The following SREBF2 variants were observed in gnomAD, a reference collection of about 807,000 sequenced individuals.
SREBF2 encodes the protein sterol regulatory element-binding protein 2.
SREBF2 carries 55 observed loss-of-function variants against 113.1 expected under a neutral mutation model. That is an observed-to-expected ratio of 0.49 (90% CI 0.39 to 0.61). The LOEUF (loss-of-function observed/expected upper bound fraction) is 0.61, where lower values mean the gene tolerates loss of function less well. Ranked by LOEUF, SREBF2 falls within the 20% of genes least tolerant of loss-of-function variation. The pLI is 0.00. For synonymous variants in SREBF2, 593 were observed against 605.7 expected (o/e 0.98, Z 0.31); for missense variants, 1,349 against 1,487.4 (o/e 0.91, Z 1.53).
In SREBF2 at chr22:41,833,949, G is replaced by A. The variant is rs2076743534; in HGVS notation, c.88+591G>A. 1 of 152,700 alleles carries A rather than the reference G, an allele frequency of 6.5e-6. No individual in the cohort carries two copies. The highest frequency in any genetic ancestry group is 2.1e-4 in the South Asian group (1 of 4,838). The allele number at this position is 152,700 out of a possible 1,614,324, so 9.5% of individuals were successfully genotyped here. On this transcript the variant is annotated intron_variant, in intron 1 of 18. Coordinates refer to ENST00000361204, the MANE Select transcript of SREBF2 (RefSeq NM_004599.4). This position sits in a 1 kb window ranked among gnomAD's most constrained non-coding sequence, Gnocchi z 4.1. ...CGGCGGAGTGTGGACACATCTCTCC[G>A]GGATGGAGACCCGGGCGCTCCTGCT...
At chr22:41,900,702 G>A (rs1275695387) in intron 16 of SREBF2, among the ~76,000 whole-genome samples, 1 of 152,216 alleles carries the variant, frequency 6.6e-6, no homozygotes, top group Non-Finnish European at 1.5e-5. Flanking sequence ...AGGCAAGTGT[G>A]TTTCTACCTG....
chr22:41,875,562 C>T lies in SREBF2; in HGVS notation c.1224C>T (p.Asp408=), dbSNP rs1373970901. 3 of 1,614,080 alleles carry T rather than the reference C, an allele frequency of 1.9e-6. No individual in the cohort carries two copies. The African/African-American group carries it at 4.0e-5, about 22-fold the overall frequency. Residue 408 remains aspartate (D), a synonymous_variant, in exon 7 of 19, where the codon GAC becomes GAT. Transcript: ENST00000361204. The stretch of plus-strand genomic sequence containing the variant: ...TTGCAGAGCTTCTAAAGGGCATCGA[C>T]CTAGGCAGTCTGGTGGACAATGAGG... ...NQKNKLLKGI[D]LGSLVDNEVD...
intron 15 of SREBF2, chr22:41,899,051 A>C (rs1340239258): frequency 1.7e-6 from 1 of 596,726 alleles, no homozygotes; most frequent in Non-Finnish European, 2.7e-6. Context: ...TGCAGCCTTC[A>C]TGGCGCCACA....
At chr22:41,886,839 G>T (rs953103150) in intron 11 of SREBF2, among the ~76,000 whole-genome samples, 1 of 152,198 alleles carries the variant, frequency 6.6e-6, no homozygotes, top group Non-Finnish European at 1.5e-5. Flanking sequence ...TTCAAGACCA[G>T]CCTGACCAAT....
At chr22:41,878,808 G>A in intron 9 of SREBF2, 3 of 1,175,766 alleles carry the variant, frequency 2.6e-6, no homozygotes, top group Non-Finnish European at 3.4e-6. Context: ...AGGGCCATTA[G>A]TGAGAATCTG....
At chr22:41,890,274 G>A (rs2077346826) in intron 11 of SREBF2, among the ~76,000 whole-genome samples, 1 of 152,156 alleles carries the variant, frequency 6.6e-6, no homozygotes, top group Admixed American at 6.5e-5. Flanking sequence ...TACTATGACA[G>A]ATATCACATC....
chr22:41,901,593 A>G (rs2148420759), intron 16 of SREBF2, among the ~76,000 whole-genome samples: 1 of 152,284 alleles, frequency 6.6e-6, no homozygotes, highest in Non-Finnish European at 1.5e-5. Flanking sequence ...CCCAGGAGGT[A>G]GAGGTTGCAG....
chr22:41,906,513 CCTACCCCATCTCCTACCT>C lies in SREBF2; in HGVS notation c.*855_*872del, dbSNP rs2077510657. ...CATGGCTTCTAGGTTCCCTCCTCCCCCTACCCCATCTCCTACCTCCACAGTACAGACTGTCCCCAACTT... is the reference window on the plus strand; with the variant it reads ...CATGGCTTCTAGGTTCCCTCCTCCCCCCACAGTACAGACTGTCCCCAACTT... On this transcript the variant is annotated 3_prime_UTR_variant, in exon 19 of 19. Coordinates refer to ENST00000361204, the MANE Select transcript of SREBF2 (RefSeq NM_004599.4). 1 of 160,210 alleles carries C rather than the reference CCTACCCCATCTCCTACCT, an allele frequency of 6.2e-6. No homozygotes were observed. Among genetic ancestry groups the C allele is most frequent in the South Asian group, 1.7e-4 (1 of 5,754 alleles). The allele number at this position is 160,210 out of a possible 1,614,324, so 9.9% of individuals were successfully genotyped here. A position where few individuals can be genotyped will look rare whatever the true frequency, so the allele number is the denominator to read the frequency against.
At chr22:41,844,033 T>TACATACACACAC (rs1556029623) in intron 1 of SREBF2, among the ~76,000 whole-genome samples, 2 of 123,108 alleles carry the variant, frequency 1.6e-5, no homozygotes, top group Non-Finnish European at 3.1e-5. Flanking sequence ...AAAAAATACA[T>TACATACACACAC]ACACACACAC....
In SREBF2 at chr22:41,833,320, C is replaced by A; in HGVS notation, c.50C>A (p.Thr17Lys). 1.6e-6 allele frequency: 2 copies of A among 1,266,502 alleles called. No homozygotes were observed. The highest frequency in any genetic ancestry group is 1.3e-5 in the South Asian group (1 of 78,282). The allele number at this position is 1,266,502 out of a possible 1,614,324, so 78.5% of individuals were successfully genotyped here. The change falls in exon 1 of 19, where the codon ACG becomes AAG. Residue 17 changes from threonine (T) to lysine (K), a missense_variant. Physicochemically the swap from Thr to Lys is moderately conservative, Grantham distance 78. Around this residue, in one of 2 missense-constraint regions of SREBF2, gnomAD observed 699 missense variants for 843.3 expected, o/e 0.83. Transcript: ENST00000361204. This position sits in a 1 kb window ranked among gnomAD's most constrained non-coding sequence, Gnocchi z 4.1. Reference protein sequence around the residue: ...LGGLETMETLTELGDELTLGD... With the variant: ...LGGLETMETLKELGDELTLGD... The stretch of plus-strand genomic sequence containing the variant: ...GGTCTGGAGACCATGGAGACCCTCA[C>A]GGAGCTGGGCGACGAGCTGACCCTG...
At chr22:41,859,876 T>C (rs1246294728) in intron 1 of SREBF2, among the ~76,000 whole-genome samples, 2 of 129,892 alleles carry the variant, frequency 1.5e-5, no homozygotes, top group Non-Finnish European at 3.1e-5. Context: ...AGTGGCGCAA[T>C]CTCGGTGCAA....
At chr22:41,896,668 C>T (rs748337376) in intron 13 of SREBF2, among the ~76,000 whole-genome samples, 10 of 152,156 alleles carry the variant, frequency 6.6e-5, no homozygotes, top group Non-Finnish European at 1.2e-4. Context: ...CCCAAAGTCA[C>T]TTTCCTACAA....
At chr22:41,834,194 C>G (rs549750959) in intron 1 of SREBF2, among the ~76,000 whole-genome samples, 1 of 152,244 alleles carries the variant, frequency 6.6e-6, no homozygotes, top group Admixed American at 6.5e-5. Context: ...TGGTTAGAGC[C>G]TAGTTCTTGC....
intron 1 of SREBF2, among the ~76,000 whole-genome samples, chr22:41,849,179 T>A (rs1427205740): frequency 6.6e-6 from 1 of 151,956 alleles, no homozygotes; most frequent in Non-Finnish European, 1.5e-5. Flanking sequence ...CTGGCAGATT[T>A]ATTATTTATT....
chr22:41,864,154 C>G (rs1215358332), intron 1 of SREBF2, among the ~76,000 whole-genome samples: 1 of 138,656 alleles, frequency 7.2e-6, no homozygotes, highest in African/African-American at 2.7e-5. Context: ...GCTGGGATTA[C>G]AAGCATAAGC....
intron 1 of SREBF2, among the ~76,000 whole-genome samples, chr22:41,859,799 C>CTTTTTTTTT (rs1174473976): frequency 1.8e-5 from 1 of 54,346 alleles, no homozygotes; most frequent in Non-Finnish European, 3.4e-5. Context: ...TATGGTGATT[C>CTTTTTTTTT]TTTTTTTTTT....
At chr22:41,885,374 A>G (rs1838439173) in intron 11 of SREBF2, among the ~76,000 whole-genome samples, 1 of 152,242 alleles carries the variant, frequency 6.6e-6, no homozygotes, top group South Asian at 2.1e-4. Flanking sequence ...TCCCCTGGTT[A>G]TGTCTCATGG....
At chr22:41,855,979 G>A (rs772577756) in intron 1 of SREBF2, among the ~76,000 whole-genome samples, 4 of 152,026 alleles carry the variant, frequency 2.6e-5, no homozygotes, top group Non-Finnish European at 5.9e-5. Context: ...CTGGAATGCA[G>A]TAGCATGATC....
At chr22:41,903,852 C>G (rs887068090) in intron 17 of SREBF2, among the ~76,000 whole-genome samples, 1 of 152,172 alleles carries the variant, frequency 6.6e-6, no homozygotes, top group East Asian at 1.9e-4. Context: ...TGAGGTGCTG[C>G]GGGGCCCACC....
Sources: gnomAD v4.1 joint callset for allele counts (sites outside exome capture counted in the v4.1 genomes callset) on GRCh38, gnomAD v4.1.1 for gene constraint, gnomAD v4.1.1 regional missense constraint, Gnocchi (gnomAD v3.1) non-coding constraint, MANE v1.5 for transcripts, NCBI Gene and HGNC (gene_info 2026-07-23, HGNC 2026-07-21) for gene names.